IQCM: variants seen among roughly 807,000 people sequenced by gnomAD.
IQCM encodes IQ domain-containing protein M.
IQCM carries 45 observed loss-of-function variants against 57.6 expected under a neutral mutation model. The ratio of observed to expected loss-of-function variants is 0.78; its 90% CI spans 0.62 to 1.00. The LOEUF is 1.00. IQCM is among the 50% of genes least tolerant of loss of function. The pLI, the probability that IQCM is intolerant of heterozygous loss-of-function variation, is 0.00. For synonymous variants in IQCM, 148 were observed against 158.9 expected (o/e 0.93, Z 0.51); for missense variants, 468 against 511.6 (o/e 0.91, Z 0.82).
At chr4:149,636,065 AG>A (rs1344081951) in intron 7 of IQCM, among the ~76,000 whole-genome samples, 1 of 152,232 alleles carries the variant, frequency 6.6e-6, no homozygotes, top group Non-Finnish European at 1.5e-5. Context: ...TCATAAAAAA[AG>A]ATCTTTCCCA....
intron 5 of IQCM, among the ~76,000 whole-genome samples, chr4:149,693,734 A>T (rs1456363160): frequency 6.6e-6 from 1 of 152,134 alleles, no homozygotes; most frequent in African/African-American, 2.4e-5. Flanking sequence ...TATAATTCTA[A>T]TTGTTTGAAA....
At chr4:149,357,170 A>G (rs905377135) in intron 13 of IQCM, among the ~76,000 whole-genome samples, 4 of 152,324 alleles carry the variant, frequency 2.6e-5, no homozygotes, top group Non-Finnish European at 5.9e-5. Flanking sequence ...TTTTCTAGAT[A>G]TACAATCATG....
intron 6 of IQCM, among the ~76,000 whole-genome samples, chr4:149,685,537 G>C (rs1014877413): frequency 6.6e-6 from 1 of 151,386 alleles, no homozygotes; most frequent in Admixed American, 6.6e-5. Context: ...CCTGAGCATG[G>C]ATCTTCTAGT....
intron 13 of IQCM, among the ~76,000 whole-genome samples, chr4:149,377,552 A>T (rs901733434): frequency 3.3e-5 from 5 of 152,156 alleles, no homozygotes; most frequent in African/African-American, 1.2e-4. Context: ...TGATGTCCTC[A>T]TTCAGTACTG....
chr4:149,644,811 G>T (rs1408906040), intron 7 of IQCM, among the ~76,000 whole-genome samples: 3 of 152,290 alleles, frequency 2.0e-5, no homozygotes, highest in Admixed American at 1.3e-4. Flanking sequence ...ACACTCATTT[G>T]CATGTTAAAG....
At chr4:149,695,675 G>A (rs1763280356) in intron 5 of IQCM, among the ~76,000 whole-genome samples, 2 of 152,188 alleles carry the variant, frequency 1.3e-5, no homozygotes, top group Non-Finnish European at 2.9e-5. Flanking sequence ...TAGGAAAGGA[G>A]AGATGGAGAC....
At chr4:149,520,595 T>A (rs1000857284) in intron 12 of IQCM, among the ~76,000 whole-genome samples, 1 of 152,146 alleles carries the variant, frequency 6.6e-6, no homozygotes, top group African/African-American at 2.4e-5. Context: ...AGTTAAAATG[T>A]ACCATCTCAA....
At position 149,733,249 on chromosome 4, in the gene IQCM, G is replaced by A. The variant is rs1429153541; in HGVS notation, c.380C>T (p.Thr127Ile). 8.1e-7 allele frequency: 1 copy of A among 1,231,522 alleles called. No individual in the cohort carries two copies. The highest frequency in any genetic ancestry group is 3.2e-5 in the East Asian group (1 of 31,702). 76.3% of individuals were successfully genotyped at this position (1,231,522 alleles called of 1,614,324 possible). The change falls in exon 5 of 14, where the codon ACA becomes ATA. Residue 127 changes from threonine (T) to isoleucine (I), a missense_variant. Physicochemically the swap from Thr to Ile is moderately conservative, Grantham distance 89. Coordinates refer to ENST00000636793, the MANE Select transcript of IQCM (RefSeq NM_001363507.2). ...RERCRPIDLI[T>I]KGQVKLDKIM... ...TCACTCCACCAAAAACTTACCTTTT[G>A]TAATTAGATCTATGGGCCTGCATCT...
chr4:149,735,333 A>T (rs1186272802), intron 4 of IQCM, 43 bp downstream of exon 4: 1 of 1,013,880 alleles, frequency 9.9e-7, no homozygotes, highest in African/African-American at 1.7e-5. Flanking sequence ...TGTAGTATGC[A>T]AAAATTTTAA....
chr4:149,586,926 A>G (rs924766211), intron 9 of IQCM, among the ~76,000 whole-genome samples: 1 of 151,752 alleles, frequency 6.6e-6, no homozygotes, highest in African/African-American at 2.4e-5. Flanking sequence ...AAGCAATTGA[A>G]AACTATGCAA....
At chr4:149,561,326 G>A (rs1278512063) in intron 10 of IQCM, among the ~76,000 whole-genome samples, 2 of 151,996 alleles carry the variant, frequency 1.3e-5, no homozygotes, top group Non-Finnish European at 2.9e-5. Context: ...GGTTATGAAT[G>A]ATTCTACAAT....
At chr4:149,507,000 G>T (rs1356355166) in intron 12 of IQCM, among the ~76,000 whole-genome samples, 1 of 152,160 alleles carries the variant, frequency 6.6e-6, no homozygotes, top group Non-Finnish European at 1.5e-5. Context: ...CCTGGGGGCA[G>T]GTCTTTCCTA....
intron 13 of IQCM, among the ~76,000 whole-genome samples, chr4:149,426,640 A>G (rs1005373902): frequency 1.3e-5 from 2 of 151,916 alleles, no homozygotes; most frequent in African/African-American, 4.8e-5. Flanking sequence ...TTACTCACAT[A>G]GAACTCAGTG....
At chr4:149,726,071 AAAAGAAAGAAAG>A (rs529190046) in intron 5 of IQCM, among the ~76,000 whole-genome samples, 5,439 of 94,730 alleles carry the variant, frequency 0.057, 158 homozygotes, top group Non-Finnish European at 0.072. Context: ...TCTTCCCTCT[AAAAGAAAGAAAG>A]AAAGAAAGAA....
At chr4:149,391,159 T>C (rs1480400640) in intron 13 of IQCM, among the ~76,000 whole-genome samples, 4 of 152,062 alleles carry the variant, frequency 2.6e-5, no homozygotes, top group South Asian at 4.1e-4. Context: ...TTTTAACTAG[T>C]AGTTTGATCT....
intron 13 of IQCM, among the ~76,000 whole-genome samples, chr4:149,383,553 A>G (rs552139235): frequency 3.3e-4 from 51 of 152,330 alleles, no homozygotes; most frequent in Middle Eastern, 3.4e-3. Context: ...GTCTTCAGCT[A>G]CAAAATCTAA....
chr4:149,672,115 T>C (rs1326483014), intron 7 of IQCM, among the ~76,000 whole-genome samples: 1 of 152,082 alleles, frequency 6.6e-6, no homozygotes, highest in African/African-American at 2.4e-5. Context: ...AAACCCCACC[T>C]ATACATCACC....
intron 12 of IQCM, among the ~76,000 whole-genome samples, chr4:149,535,036 A>G (rs995353966): frequency 6.6e-6 from 1 of 152,104 alleles, no homozygotes; most frequent in Admixed American, 6.6e-5. Flanking sequence ...TGAGCAATGC[A>G]TAATGTATAA....
At chr4:149,610,611 G>A (rs966064121) in intron 8 of IQCM, among the ~76,000 whole-genome samples, 5 of 151,782 alleles carry the variant, frequency 3.3e-5, no homozygotes, top group East Asian at 1.9e-4. Context: ...CCAAGAACAC[G>A]GCCTGGGAAA....
Sources: gnomAD v4.1 joint callset for allele counts (sites outside exome capture counted in the v4.1 genomes callset) on GRCh38, gnomAD v4.1.1 for gene constraint, MANE v1.5 for transcripts, NCBI Gene and HGNC (gene_info 2026-07-23, HGNC 2026-07-21) for gene names.